Variants in PPP1R37 observed in about 807,000 individuals in gnomAD.
The protein encoded by PPP1R37 is protein phosphatase 1 regulatory subunit 37.
In PPP1R37, 21 loss-of-function variants were observed where a neutral mutation model predicts 61.0. The ratio of observed to expected loss-of-function variants is 0.34; its 90% CI spans 0.24 to 0.50. The LOEUF is 0.50. Ranked by LOEUF, PPP1R37 falls within the 20% of genes least tolerant of loss-of-function variation. PPP1R37 has a pLI of 0.98. For synonymous variants in PPP1R37, 443 were observed against 433.5 expected (o/e 1.02, Z -0.27); for missense variants, 910 against 952.7 (o/e 0.96, Z 0.59).
chr19:45,128,478 C>G, intron 1 of PPP1R37: 1 of 710,338 alleles, frequency 1.4e-6, no homozygotes, highest in South Asian at 1.7e-5. Context: ...GCAGCGGCAG[C>G]AGCAGGCCCA....
At chr19:45,131,202 G>A (rs931458887) in intron 1 of PPP1R37, among the ~76,000 whole-genome samples, 11 of 152,180 alleles carry the variant, frequency 7.2e-5, no homozygotes, top group Non-Finnish European at 1.6e-4. Context: ...AGCTCTGTTT[G>A]CCCTTCATCC....
chr19:45,143,508 C>A lies in PPP1R37; in HGVS notation c.875-13C>A, dbSNP rs1039933262. The A allele has an allele frequency of 4.0e-6, 6 of 1,498,340 alleles. No individual in the cohort carries two copies. Among genetic ancestry groups the A allele is most frequent in the Non-Finnish European group, 5.4e-6 (6 of 1,113,152 alleles). The allele number at this position is 1,498,340 out of a possible 1,614,324, so 92.8% of individuals were successfully genotyped here. A position where few individuals can be genotyped will look rare whatever the true frequency, so the allele number is the denominator to read the frequency against. ...GGACCCCAGACAGGGCTCTGACTGC[C>A]GGCCTCCTCCAGGTCTGGCCTACAT... On this transcript the variant is annotated splice_polypyrimidine_tract_variant and intron_variant, in intron 7 of 12. Transcript: ENST00000221462.
rs529432362 is a variant in PPP1R37, at chr19:45,145,961, C to T, written c.1905C>T (p.Asn635=). Reference sequence around the variant, plus strand: ...CTCGGTCAGGGCCACCACTGCCCAACGGCCTGAAGCCCGAGTTCGCCCTGG... The same window carrying T: ...CTCGGTCAGGGCCACCACTGCCCAATGGCCTGAAGCCCGAGTTCGCCCTGG... ...EPPRSGPPLP[N]GLKPEFALAL... is the part of the protein sequence containing the mutation. The change falls in exon 11 of 13, where the codon AAC becomes AAT. Residue 635 remains asparagine, a synonymous_variant. Transcript: ENST00000221462. The T allele has an allele frequency of 5.1e-5, 78 of 1,534,610 alleles. No homozygotes were observed. The East Asian group carries it at 1.6e-3, about 31-fold the overall frequency.
At chr19:45,094,517 A>G (rs1386591658) in intron 1 of PPP1R37, among the ~76,000 whole-genome samples, 1 of 149,914 alleles carries the variant, frequency 6.7e-6, no homozygotes, top group Non-Finnish European at 1.5e-5. Context: ...ACCTGAGGTC[A>G]GGAGTTTAAA....
Position 45,145,835 on chromosome 19 carries a change from A to T in PPP1R37, c.1779A>T (p.Pro593=), listed in dbSNP as rs766000460. The change falls in exon 11 of 13, where the codon CCA becomes CCT. Residue 593 remains proline (P), a synonymous_variant. Transcript: ENST00000221462. The part of the protein sequence containing the change: ...PPASPTPPSP[P]PPPSPPASPS... ...CGTCCCCCACCCCTCCCTCTCCCCCACCCCCTCCCTCCCCACCCGCCTCAC... is the reference window on the plus strand; with the variant it reads ...CGTCCCCCACCCCTCCCTCTCCCCCTCCCCCTCCCTCCCCACCCGCCTCAC... 4 of 150,096 alleles carry T rather than the reference A, an allele frequency of 2.7e-5. No homozygotes were observed. Among genetic ancestry groups the T allele is most frequent in the Admixed American group, 1.7e-4 (1 of 5,992 alleles). 9.3% of individuals were successfully genotyped at this position (150,096 alleles called of 1,614,324 possible).
At chr19:45,141,727 G>A (rs1447371989) in intron 5 of PPP1R37, among the ~76,000 whole-genome samples, 1 of 152,168 alleles carries the variant, frequency 6.6e-6, no homozygotes, top group Non-Finnish European at 1.5e-5. Context: ...GGCCATGGTC[G>A]CCATCCCCAC....
At position 45,103,952 on chromosome 19, in the gene PPP1R37, G is replaced by A. The variant is rs1013526852; in HGVS notation, c.202+10425G>A. ...TAACTACAGGACAAAGTCCACACCC[G>A]TGGGCCTGGTGTGGGAGGCCTTTCC... is the stretch of plus-strand genomic sequence containing the variant. On this transcript the variant is annotated intron_variant, in intron 1 of 12. Coordinates refer to ENST00000221462, the MANE Select transcript of PPP1R37 (RefSeq NM_019121.2). 8.5e-5 allele frequency among the ~76,000 whole-genome samples: 13 copies of A among 152,182 alleles called. 1 individual carries two copies. Among genetic ancestry groups the A allele is most frequent in the Admixed American group, 5.2e-4 (8 of 15,298 alleles).
At chr19:45,109,745 G>A (rs1274434025) in intron 1 of PPP1R37, among the ~76,000 whole-genome samples, 1 of 152,148 alleles carries the variant, frequency 6.6e-6, no homozygotes, top group East Asian at 1.9e-4. Context: ...TGGCCACCAC[G>A]TCATCAGCAC....
chr19:45,096,109 C>T (rs560159855), intron 1 of PPP1R37, among the ~76,000 whole-genome samples: 12 of 152,204 alleles, frequency 7.9e-5, no homozygotes, highest in African/African-American at 2.4e-4. Flanking sequence ...TGAGTGTTCT[C>T]GATGGCAGTC....
At chr19:45,123,678 G>A (rs1968368042) in intron 1 of PPP1R37, among the ~76,000 whole-genome samples, 1 of 152,234 alleles carries the variant, frequency 6.6e-6, no homozygotes, top group South Asian at 2.1e-4. Context: ...GTAATCGAGT[G>A]TTTGGCAGAG....
intron 1 of PPP1R37, among the ~76,000 whole-genome samples, chr19:45,111,079 C>G (rs1599694076): frequency 6.6e-6 from 1 of 152,210 alleles, no homozygotes; most frequent in South Asian, 2.1e-4. Flanking sequence ...AAACCCTTGT[C>G]AAGCACCTCG....
At chr19:45,143,693 G>T (rs980993004) in intron 8 of PPP1R37, 60 bp downstream of exon 8, 8 of 1,007,206 alleles carry the variant, frequency 7.9e-6, no homozygotes, top group African/African-American at 7.9e-5. Context: ...TCCCACTCCA[G>T]CTCTCAGCAC....
chr19:45,126,017 T>C (rs1334754562), intron 1 of PPP1R37, among the ~76,000 whole-genome samples: 1 of 152,170 alleles, frequency 6.6e-6, no homozygotes, highest in East Asian at 1.9e-4. Context: ...TTCCCGAGGG[T>C]GTGCAGCCCA....
At chr19:45,117,110 A>C (rs1274797450) in intron 1 of PPP1R37, among the ~76,000 whole-genome samples, 1 of 151,884 alleles carries the variant, frequency 6.6e-6, no homozygotes, top group African/African-American at 2.4e-5. Context: ...ATGGGGTTTC[A>C]CCATATTGGT....
At chr19:45,141,171 C>T (rs867078486) in intron 4 of PPP1R37, 151 bp from the exon 5 acceptor site, 29 of 814,226 alleles carry the variant, frequency 3.6e-5, no homozygotes, top group African/African-American at 7.0e-5. Context: ...CCGTGGCTCA[C>T]GGGGCCCTGT....
Position 45,130,651 on chromosome 19 carries a change from G to A in PPP1R37, c.203-7863G>A, listed in dbSNP as rs566927650. Among the ~76,000 whole-genome samples the A allele has an allele frequency of 1.9e-4, 29 of 152,162 alleles. No homozygotes were observed. The highest frequency in any genetic ancestry group is 3.5e-4 in the Non-Finnish European group (24 of 68,026). The stretch of plus-strand genomic sequence containing the variant: ...CAAAATAACACCTGCATTGCAAAGC[G>A]TGGTTATTCTGAGCCTGGTTGCCAT... On this transcript the variant is annotated intron_variant, in intron 1 of 12. Coordinates refer to ENST00000221462, the MANE Select transcript of PPP1R37 (RefSeq NM_019121.2). This position sits in a 1 kb window ranked among gnomAD's most constrained non-coding sequence, Gnocchi z 4.4.
At chr19:45,134,593 C>G (rs1231939559) in intron 1 of PPP1R37, among the ~76,000 whole-genome samples, 1 of 147,934 alleles carries the variant, frequency 6.8e-6, no homozygotes, top group Admixed American at 6.8e-5. Flanking sequence ...CAGAGTCACT[C>G]TGTCTCCCAG....
chr19:45,143,479 A>T (rs1968640659), intron 7 of PPP1R37, 42 bp from the exon 8 acceptor site: 2 of 1,268,134 alleles, frequency 1.6e-6, no homozygotes, highest in Non-Finnish European at 2.2e-6. Flanking sequence ...CCCAGGAAGC[A>T]CCCGGACCCC....
chr19:45,145,295 G>T (rs1315296342), intron 10 of PPP1R37, 35 bp downstream of exon 10: 205 of 1,521,888 alleles, frequency 1.3e-4, no homozygotes, highest in Non-Finnish European at 1.8e-4. Context: ...CCTGGGGCGG[G>T]CGGAAGGCCG....
Sources: gnomAD v4.1 joint callset for allele counts (sites outside exome capture counted in the v4.1 genomes callset) on GRCh38, gnomAD v4.1.1 for gene constraint, Gnocchi (gnomAD v3.1) non-coding constraint, MANE v1.5 for transcripts, NCBI Gene and HGNC (gene_info 2026-07-23, HGNC 2026-07-21) for gene names.